CFDP1: variants seen among roughly 807,000 people sequenced by gnomAD.
CFDP1 encodes heterochromatin-stabilizing protein CFDP1.
In CFDP1, 31 loss-of-function variants were observed where a neutral mutation model predicts 40.1. That is an observed-to-expected ratio of 0.77 (90% CI 0.58 to 1.04). CFDP1 has a LOEUF of 1.04. Ranked by LOEUF, CFDP1 falls within the 50% of genes least tolerant of loss-of-function variation. CFDP1 has a pLI of 0.00. For synonymous variants in CFDP1, 167 were observed against 120.0 expected, an observed-to-expected ratio of 1.39 and a Z score of -2.56; for missense variants, 423 against 343.4, an observed-to-expected ratio of 1.23 and a Z score of -1.83.
chr16:75,319,452 G>A (rs1244270262), intron 5 of CFDP1, among the ~76,000 whole-genome samples: 1 of 152,152 alleles, frequency 6.6e-6, no homozygotes, highest in Non-Finnish European at 1.5e-5. Flanking sequence ...TGGGGTTGGG[G>A]GGGAACGTGC....
At chr16:75,341,058 C>A (rs980311815) in intron 5 of CFDP1, among the ~76,000 whole-genome samples, 2 of 152,172 alleles carry the variant, frequency 1.3e-5, no homozygotes, top group Admixed American at 1.3e-4. Context: ...ACATTTGGCC[C>A]AAAGACACAC....
At chr16:75,427,393 G>A (rs1020385910) in intron 1 of CFDP1, among the ~76,000 whole-genome samples, 1 of 151,964 alleles carries the variant, frequency 6.6e-6, no homozygotes, top group Non-Finnish European at 1.5e-5. Context: ...TGGGACTACA[G>A]GCATGCACCA....
intron 5 of CFDP1, among the ~76,000 whole-genome samples, chr16:75,386,952 T>C (rs897719638): frequency 6.6e-6 from 1 of 152,196 alleles, no homozygotes; most frequent in Non-Finnish European, 1.5e-5. Context: ...ACTCCAAATA[T>C]TCAAGGGAAA....
At chr16:75,309,839 A>AC (rs2078284707) in intron 5 of CFDP1, among the ~76,000 whole-genome samples, 1 of 150,776 alleles carries the variant, frequency 6.6e-6, no homozygotes, top group Admixed American at 6.6e-5. Context: ...AAAAAAAAAA[A>AC]AAAAAACCAA....
At chr16:75,295,419 C>T (rs1282368645) in intron 6 of CFDP1, among the ~76,000 whole-genome samples, 1 of 152,238 alleles carries the variant, frequency 6.6e-6, no homozygotes, top group East Asian at 1.9e-4. Context: ...GGCTAGTCAT[C>T]TCCACTCTGA....
intron 6 of CFDP1, among the ~76,000 whole-genome samples, chr16:75,297,194 G>GTGTGTGTGT (rs1567637643): frequency 6.8e-6 from 1 of 146,226 alleles, no homozygotes; most frequent in African/African-American, 2.6e-5. Flanking sequence ...GTGTGTGTGT[G>GTGTGTGTGT]TTTTTAGTAG....
chr16:75,408,181 C>T (rs1232817853), intron 4 of CFDP1, among the ~76,000 whole-genome samples: 2 of 152,018 alleles, frequency 1.3e-5, no homozygotes, highest in African/African-American at 2.4e-5. Context: ...ACGCACAGTA[C>T]ATCTTTTATC....
At chr16:75,390,466 C>A (rs1357441562) in intron 5 of CFDP1, among the ~76,000 whole-genome samples, 10 of 152,216 alleles carry the variant, frequency 6.6e-5, no homozygotes, top group Non-Finnish European at 1.5e-5. Context: ...TCCTTGATGT[C>A]TCCTCTTAGT....
At position 75,427,542 on chromosome 16, in the gene CFDP1, C is replaced by T. The variant is rs140279531; in HGVS notation, c.64+5747G>A. Among the ~76,000 whole-genome samples the T allele has an allele frequency of 4.6e-3, 698 of 152,208 alleles. 3 individuals are homozygous for T. The highest frequency in any genetic ancestry group is 0.015 in the African/African-American group (637 of 41,532). On this transcript the variant is annotated intron_variant, in intron 1 of 6. Transcript: ENST00000283882. ...GTGGGAATACAGGCATGAGCCACCG[C>T]GCTCGGCCCCAAATTAGCTAATATT... is the stretch of plus-strand genomic sequence containing the variant.
intron 5 of CFDP1, among the ~76,000 whole-genome samples, chr16:75,355,490 C>T (rs868248674): frequency 1.3e-5 from 2 of 152,204 alleles, no homozygotes; most frequent in African/African-American, 4.8e-5. Flanking sequence ...TAAGAAACCA[C>T]TTTCTTTGTT....
chr16:75,419,497 A>C (rs552871477), intron 1 of CFDP1, among the ~76,000 whole-genome samples: 127 of 152,342 alleles, frequency 8.3e-4, no homozygotes, highest in South Asian at 1.7e-3. Flanking sequence ...GTTATTAAGT[A>C]ATGCCAAAAA....
Position 75,414,566 on chromosome 16 carries a change from A to C in CFDP1, c.182+12T>G, listed in dbSNP as rs1179826629. The C allele has an allele frequency of 6.5e-7, 1 of 1,541,252 alleles. No individual in the cohort carries two copies. Among genetic ancestry groups the C allele is most frequent in the African/African-American group, 1.4e-5 (1 of 73,322 alleles). On this transcript the variant is annotated intron_variant, in intron 2 of 6. Transcript: ENST00000283882. ...AGCCCCTAACTTCTAAGGGCCTTGA[A>C]GGCAGCATCACCTGGCTGGAATGCT...
chr16:75,372,078 G>A (rs1400905396), intron 5 of CFDP1: 1 of 152,074 alleles, frequency 6.6e-6, no homozygotes, highest in Non-Finnish European at 1.5e-5. Flanking sequence ...ACTATTATTT[G>A]CACCAGGCAA....
chr16:75,343,022 G>C (rs1217343404), intron 5 of CFDP1, among the ~76,000 whole-genome samples: 1 of 152,048 alleles, frequency 6.6e-6, no homozygotes, highest in African/African-American at 2.4e-5. Context: ...GAGGATGGCA[G>C]TCTCCCTGGT....
At chr16:75,352,924 T>C (rs919077676) in intron 5 of CFDP1, among the ~76,000 whole-genome samples, 1 of 152,140 alleles carries the variant, frequency 6.6e-6, no homozygotes, top group East Asian at 1.9e-4. Context: ...AAAAACTATA[T>C]ATGTGAAATT....
At chr16:75,393,004 C>T (rs572363382) in intron 5 of CFDP1, among the ~76,000 whole-genome samples, 15 of 152,338 alleles carry the variant, frequency 9.8e-5, no homozygotes, top group African/African-American at 3.6e-4. Context: ...GAGGAAGTAG[C>T]CCCATCCACA....
At chr16:75,354,827 C>T (rs1365291251) in intron 5 of CFDP1, among the ~76,000 whole-genome samples, 3 of 152,104 alleles carry the variant, frequency 2.0e-5, no homozygotes, top group South Asian at 4.2e-4. Context: ...ATAATAGTAC[C>T]GTCCCGTTGT....
intron 5 of CFDP1, among the ~76,000 whole-genome samples, chr16:75,313,783 G>T (rs148962284): frequency 6.6e-6 from 1 of 150,660 alleles, no homozygotes; most frequent in African/African-American, 2.4e-5. Flanking sequence ...TTACATAAAA[G>T]AAATTCCATA....
chr16:75,384,715 G>A (rs2078878115), intron 5 of CFDP1, among the ~76,000 whole-genome samples: 1 of 151,408 alleles, frequency 6.6e-6, no homozygotes, highest in Non-Finnish European at 1.5e-5. Flanking sequence ...AATAAGAGAA[G>A]GTGCACTCAA....
Sources: allele counts gnomAD v4.1 joint callset (sites outside exome capture counted in the v4.1 genomes callset), GRCh38; gene constraint gnomAD v4.1.1; transcripts MANE v1.5; gene names NCBI Gene and HGNC (gene_info 2026-07-23, HGNC 2026-07-21).